Variants in LTBP1 observed in about 807,000 individuals in gnomAD.
LTBP1 encodes latent transforming growth factor beta binding protein 1, also known as latent-transforming growth factor beta-binding protein 1.
Under a neutral mutation model 207.6 loss-of-function variants are expected in LTBP1, and 129 were observed. The ratio of observed to expected loss-of-function variants is 0.62; its 90% CI spans 0.54 to 0.72. LTBP1 has a LOEUF of 0.72. Among genes scored for constraint, LTBP1 ranks in the 30% least tolerant of loss-of-function variants. LTBP1 has a pLI of 0.00. For synonymous variants in LTBP1, 963 were observed against 833.7 expected (o/e 1.16, Z -2.67); for missense variants, 2,281 against 2,217.2 (o/e 1.03, Z -0.58).
At chr2:33,107,761 T>G (rs1455007131) in intron 3 of LTBP1, among the ~76,000 whole-genome samples, 1 of 152,226 alleles carries the variant, frequency 6.6e-6, no homozygotes, top group Non-Finnish European at 1.5e-5. Context: ...GAAGGGGAAA[T>G]ATATGGGTGC....
At chr2:33,378,317 C>T (rs538618506) in intron 31 of LTBP1, among the ~76,000 whole-genome samples, 3 of 151,918 alleles carry the variant, frequency 2.0e-5, no homozygotes, top group African/African-American at 7.2e-5. Context: ...CTTCTGCCTC[C>T]TGGGTTCAAG....
Position 33,176,915 on chromosome 2 carries a change from A to G in LTBP1, c.1202-9941A>G, listed in dbSNP as rs185373811. The stretch of plus-strand genomic sequence containing the variant: ...AATTACGAAGTTGATGAGGATGGCT[A>G]ACGTTTGCTGAGTGCCTGCTATGTG... On this transcript the variant is annotated intron_variant, in intron 5 of 33. Transcript: ENST00000404816. 1.9e-3 allele frequency among the ~76,000 whole-genome samples: 283 copies of G among 152,304 alleles called. 3 individuals are homozygous for G. Among genetic ancestry groups the G allele is most frequent in the South Asian group, 8.9e-3 (43 of 4,822 alleles).
chr2:33,139,138 G>A (rs1237717990), intron 5 of LTBP1, among the ~76,000 whole-genome samples: 9 of 152,210 alleles, frequency 5.9e-5, no homozygotes, highest in East Asian at 3.9e-4. Context: ...GATTACAGGC[G>A]TGAGCCACCG....
At chr2:33,080,727 T>A (rs1161202826) in intron 3 of LTBP1, among the ~76,000 whole-genome samples, 3 of 152,196 alleles carry the variant, frequency 2.0e-5, no homozygotes, top group Non-Finnish European at 2.9e-5. Flanking sequence ...GCTGAAAAAG[T>A]TATACTGGAT....
At chr2:33,268,900 C>T (rs972835593) in intron 15 of LTBP1, among the ~76,000 whole-genome samples, 1 of 152,136 alleles carries the variant, frequency 6.6e-6, no homozygotes, top group Non-Finnish European at 1.5e-5. Context: ...CTTGTGGAAA[C>T]CTCTGTAATT....
intron 20 of LTBP1, among the ~76,000 whole-genome samples, chr2:33,300,165 C>T (rs1348102113): frequency 6.6e-6 from 1 of 152,116 alleles, no homozygotes; most frequent in African/African-American, 2.4e-5. Flanking sequence ...CTGTTTGCAG[C>T]TCTAAAATAT....
chr2:33,112,769 A>T (rs973382443), intron 4 of LTBP1, among the ~76,000 whole-genome samples: 3 of 152,180 alleles, frequency 2.0e-5, no homozygotes, highest in Non-Finnish European at 2.9e-5. Flanking sequence ...AGTAGGAGGG[A>T]CCTAAACATA....
intron 7 of LTBP1, among the ~76,000 whole-genome samples, chr2:33,214,204 G>A (rs866714759): frequency 1.6e-4 from 25 of 152,280 alleles, no homozygotes; most frequent in African/African-American, 5.1e-4. Flanking sequence ...TGCTTTGGCA[G>A]CCAGGTTGCA....
chr2:33,241,019 G>GA (rs1558870317), intron 9 of LTBP1, among the ~76,000 whole-genome samples: 1 of 152,140 alleles, frequency 6.6e-6, no homozygotes, highest in Non-Finnish European at 1.5e-5. Context: ...TCATCTAGTT[G>GA]TATACTTAAG....
chr2:33,293,302 T>C lies in LTBP1; in HGVS notation c.3235+20T>C, dbSNP rs772448158. 231 of 1,576,846 alleles carry C rather than the reference T, an allele frequency of 1.5e-4. No homozygotes were observed. Among genetic ancestry groups the C allele is most frequent in the Non-Finnish European group, 1.4e-4 (167 of 1,168,172 alleles). ...GTAGAGGTAAATACTGTGATCAAGT[T>C]TCCCATTTTTATTTAAACTTCATTT... is the stretch of plus-strand genomic sequence containing the variant. On this transcript the variant is annotated intron_variant, in intron 20 of 33. Coordinates refer to ENST00000404816, the MANE Select transcript of LTBP1 (RefSeq NM_206943.4).
intron 3 of LTBP1, among the ~76,000 whole-genome samples, chr2:33,078,856 TCTTTTC>T (rs1476982336): frequency 3.2e-5 from 2 of 62,074 alleles, no homozygotes; most frequent in Non-Finnish European, 5.0e-5. Flanking sequence ...TCTTTTCTTT[TCTTTTC>T]TTTTTTTTTT....
chr2:33,052,015 C>A (rs1046545120), intron 3 of LTBP1, among the ~76,000 whole-genome samples: 79 of 152,294 alleles, frequency 5.2e-4, no homozygotes, highest in African/African-American at 1.9e-3. Flanking sequence ...GTCAGCATTG[C>A]ATGTCTCAGT....
chr2:33,182,737 G>C lies in LTBP1; in HGVS notation c.1202-4119G>C, dbSNP rs4456681. 6.4e-3 allele frequency among the ~76,000 whole-genome samples: 257 copies of C among 39,904 alleles called. 23 individuals are homozygous for C. The highest frequency in any genetic ancestry group is 0.023 in the African/African-American group (206 of 8,780). 26.2% of individuals were successfully genotyped at this position (39,904 alleles called of 152,430 possible). A position where few individuals can be genotyped will look rare whatever the true frequency, so the allele number is the denominator to read the frequency against. ...ACACACACACACACACACACACACA[G>C]ACATATATATGTATGTATGTGTACA... On this transcript the variant is annotated intron_variant, in intron 5 of 33. Transcript: ENST00000404816.
At chr2:33,268,881 G>A (rs1307221154) in intron 15 of LTBP1, among the ~76,000 whole-genome samples, 1 of 152,118 alleles carries the variant, frequency 6.6e-6, no homozygotes, top group African/African-American at 2.4e-5. Flanking sequence ...CTTTGACTGA[G>A]TTAACTGCCT....
chr2:33,227,884 A>G (rs947821966), intron 9 of LTBP1, among the ~76,000 whole-genome samples: 5 of 133,202 alleles, frequency 3.8e-5, no homozygotes, highest in Admixed American at 1.8e-4. Flanking sequence ...GGCTCACTGC[A>G]GCCTCTGCCT....
intron 7 of LTBP1, among the ~76,000 whole-genome samples, chr2:33,189,617 G>A (rs1213780048): frequency 1.3e-5 from 2 of 152,222 alleles, no homozygotes; most frequent in African/African-American, 4.8e-5. Flanking sequence ...AAAGATGCTT[G>A]TAAATATTTT....
chr2:33,003,389 G>T (rs760485179), intron 2 of LTBP1, among the ~76,000 whole-genome samples: 2 of 152,182 alleles, frequency 1.3e-5, no homozygotes, highest in Non-Finnish European at 2.9e-5. Flanking sequence ...TGCAGTTGAG[G>T]CTTAAGAGGG....
intron 3 of LTBP1, among the ~76,000 whole-genome samples, chr2:33,076,614 G>A (rs188455879): frequency 1.7e-3 from 262 of 151,608 alleles, no homozygotes; most frequent in African/African-American, 6.0e-3. Flanking sequence ...TCAGCTCACT[G>A]CAACCTCTGC....
At chr2:33,141,757 AT>A (rs1285313972) in intron 5 of LTBP1, among the ~76,000 whole-genome samples, 3 of 152,110 alleles carry the variant, frequency 2.0e-5, no homozygotes, top group African/African-American at 7.2e-5. Context: ...CCTGCTTTTT[AT>A]TTTGTCTAAA....
Sources: allele counts gnomAD v4.1 joint callset (sites outside exome capture counted in the v4.1 genomes callset), GRCh38; gene constraint gnomAD v4.1.1; transcripts MANE v1.5; gene names NCBI Gene and HGNC (gene_info 2026-07-23, HGNC 2026-07-21).